Variants in PLAAT5 observed in about 807,000 individuals in gnomAD.
PLAAT5 encodes the protein phospholipase A and acyltransferase 5.
In PLAAT5, 27 loss-of-function variants were observed where a neutral mutation model predicts 27.8. The observed-to-expected ratio is 0.97, with a 90% CI of 0.72 to 1.34. The LOEUF (loss-of-function observed/expected upper bound fraction) is 1.34. Ranked by LOEUF, PLAAT5 falls within the 40% of genes most tolerant of loss-of-function variation. PLAAT5 has a pLI of 0.00. For missense variants in PLAAT5, 368 were observed against 343.8 expected (o/e 1.07, Z -0.56); for synonymous variants, 125 against 136.1 (o/e 0.92, Z 0.57).
rs1004722792 is a variant in PLAAT5, at chr11:63,490,932, T to C, written c.103A>G (p.Lys35Glu). 44 of 1,601,420 alleles carry C rather than the reference T, an allele frequency of 2.7e-5. No individual in the cohort carries two copies. The highest frequency in any genetic ancestry group is 3.7e-5 in the Non-Finnish European group (44 of 1,174,580). Residue 35 changes from lysine to glutamate, a missense_variant, in exon 1 of 6, where the codon AAG becomes GAG. Transcript: ENST00000540857. ...PASRTASTGP[K>E]DQPPALRRSA... Reference sequence around the variant, plus strand: ...CGTCTGAGCGCAGGCGGCTGGTCCTTGGGCCCGGTACTGGCGGTTCGCGAG... The same window carrying C: ...CGTCTGAGCGCAGGCGGCTGGTCCTCGGGCCCGGTACTGGCGGTTCGCGAG...
At chr11:63,477,948 T>C (rs1212187991) in intron 3 of PLAAT5, among the ~76,000 whole-genome samples, 1 of 152,226 alleles carries the variant, frequency 6.6e-6, no homozygotes, top group East Asian at 1.9e-4. Flanking sequence ...TGAATGTGTA[T>C]GCAGCCTTGT....
intron 4 of PLAAT5, among the ~76,000 whole-genome samples, chr11:63,466,947 G>C (rs1419264323): frequency 6.6e-6 from 1 of 152,120 alleles, no homozygotes; most frequent in Non-Finnish European, 1.5e-5. Context: ...TTGAAAACAG[G>C]GTTCCACAGC....
intron 3 of PLAAT5, among the ~76,000 whole-genome samples, chr11:63,472,519 G>A (rs999442645): frequency 6.6e-6 from 1 of 152,182 alleles, no homozygotes; most frequent in Non-Finnish European, 1.5e-5. Flanking sequence ...GACAGGGATT[G>A]TGTTTAATCT....
chr11:63,481,464 C>A (rs988827420), intron 3 of PLAAT5, among the ~76,000 whole-genome samples: 1 of 152,126 alleles, frequency 6.6e-6, no homozygotes, highest in Non-Finnish European at 1.5e-5. Context: ...TAATAATAAT[C>A]AACCTTCTGA....
At chr11:63,479,561 T>C (rs1325290590) in intron 3 of PLAAT5, among the ~76,000 whole-genome samples, 1 of 152,252 alleles carries the variant, frequency 6.6e-6, no homozygotes, top group Non-Finnish European at 1.5e-5. Flanking sequence ...CTAATTATTT[T>C]TTCCTTTCAG....
At chr11:63,489,170 G>A (rs1383486890) in intron 2 of PLAAT5, among the ~76,000 whole-genome samples, 194 bp from the exon 3 acceptor site, 5 of 152,122 alleles carry the variant, frequency 3.3e-5, no homozygotes, top group Non-Finnish European at 5.9e-5. Context: ...TCTGACAATT[G>A]TTCAAATGCT....
rs758662986 is a variant in PLAAT5 at position 63,463,512 on chromosome 11, T to C, written c.801A>G (p.Ile267Met). 1 of 1,613,200 alleles carries C rather than the reference T, an allele frequency of 6.2e-7. No individual in the cohort carries two copies. The highest frequency in any genetic ancestry group is 1.7e-5 in the Admixed American group (1 of 60,022). ...GGAGTTTTCATCACCTTCAGGCAGT[T>C]ATTGGTTTGGGCTTTATGCTATCCA... ...AVVDSIKPKP[I>M]TA Residue 267 changes from isoleucine to methionine, a missense_variant, in exon 6 of 6, where the codon ATA (isoleucine) becomes ATG (methionine). Transcript: ENST00000540857.
At chr11:63,464,301 CAT>C (rs903576002) in intron 5 of PLAAT5, among the ~76,000 whole-genome samples, 3 of 152,008 alleles carry the variant, frequency 2.0e-5, no homozygotes, top group Admixed American at 6.6e-5. Context: ...ACAGAAGAAA[CAT>C]AGAAAAAAAA....
At chr11:63,483,837 A>ATATG (rs2016367588) in intron 3 of PLAAT5, among the ~76,000 whole-genome samples, 1 of 121,182 alleles carries the variant, frequency 8.3e-6, no homozygotes, top group Non-Finnish European at 1.8e-5. Flanking sequence ...ATATATATAT[A>ATATG]TATATACACA....
At position 63,466,249 on chromosome 11, in the gene PLAAT5, G is replaced by A. The variant is rs149917445; in HGVS notation, c.578C>T (p.Thr193Met). 4.2e-4 allele frequency: 683 copies of A among 1,614,138 alleles called. 5 individuals carry two copies. In the South Asian group the frequency reaches 5.4e-3, roughly 13 times the overall value. ...SWKVNNKLDG[T>M]YLPLPVDKII... ...CTTGTCCACCGGCAAGGGCAGGTAC[G>A]TCCCATCTAGCTTGTTATTGACCTT... Residue 193 changes from threonine to methionine, a missense_variant, in exon 5 of 6, where the codon ACG becomes ATG. Transcript: ENST00000540857.
chr11:63,480,380 G>T (rs546847830), intron 3 of PLAAT5, among the ~76,000 whole-genome samples: 1 of 152,162 alleles, frequency 6.6e-6, no homozygotes, highest in East Asian at 1.9e-4. Flanking sequence ...AAAACAGAAG[G>T]CTCAGGGATT....
At chr11:63,483,358 C>T (rs942489102) in intron 3 of PLAAT5, among the ~76,000 whole-genome samples, 4 of 151,970 alleles carry the variant, frequency 2.6e-5, no homozygotes, top group African/African-American at 9.7e-5. Context: ...TTTGATAGGC[C>T]ACAAAACAAG....
Sources: allele counts gnomAD v4.1 joint callset (sites outside exome capture counted in the v4.1 genomes callset), GRCh38; gene constraint gnomAD v4.1.1; transcripts MANE v1.5; gene names NCBI Gene and HGNC (gene_info 2026-07-23, HGNC 2026-07-21).